The following HSD17B3 variants were observed in gnomAD, a reference collection of about 807,000 sequenced individuals.
HSD17B3 encodes the protein 17-beta-hydroxysteroid dehydrogenase type 3.
Under a neutral mutation model 41.1 loss-of-function variants are expected in HSD17B3, and 29 were observed. The observed-to-expected ratio is 0.71, with a 90% CI of 0.53 to 0.96. The LOEUF (loss-of-function observed/expected upper bound fraction) is 0.96. Among genes scored for constraint, HSD17B3 ranks in the 40% least tolerant of loss-of-function variants. The pLI is 0.00. For missense variants in HSD17B3, 323 were observed against 374.6 expected (o/e 0.86, Z 1.14); for synonymous variants, 126 against 145.6 (o/e 0.87, Z 0.97).
intron 1 of HSD17B3, 92 bp downstream of exon 1, chr9:96,301,859 T>C (rs565955327): frequency 3.6e-6 from 5 of 1,381,932 alleles, no homozygotes; most frequent in African/African-American, 1.4e-5. Flanking sequence ...CCAGCCTGGG[T>C]GACAGAGCAA....
chr9:96,259,631 G>T (rs1490099891), intron 2 of HSD17B3, among the ~76,000 whole-genome samples: 1 of 151,864 alleles, frequency 6.6e-6, no homozygotes, highest in African/African-American at 2.4e-5. Context: ...TGAGGCAGGA[G>T]AATTACTTGA....
At chr9:96,240,712 G>A (rs2066482) in intron 10 of HSD17B3, 46 bp downstream of exon 10, 51 of 1,606,496 alleles carry the variant, frequency 3.2e-5, no homozygotes, top group East Asian at 1.8e-4. Flanking sequence ...GGCCACCTGC[G>A]TGTCCTCCCT....
intron 2 of HSD17B3, among the ~76,000 whole-genome samples, chr9:96,270,921 C>T (rs1238889255): frequency 7.6e-6 from 1 of 132,128 alleles, no homozygotes; most frequent in Non-Finnish European, 1.5e-5. Flanking sequence ...TTCATACAAA[C>T]AAGTGTAGTG....
intron 2 of HSD17B3, among the ~76,000 whole-genome samples, chr9:96,284,483 ATC>A (rs1241232463): frequency 3.9e-5 from 6 of 152,226 alleles, no homozygotes; most frequent in Non-Finnish European, 7.3e-5. Context: ...TGCAAAAAGA[ATC>A]TGTTTTCTTT....
Position 96,301,960 on chromosome 9 carries a change from G to A in HSD17B3, c.145C>T (p.Gln49Ter). Residue 49 changes from glutamine to a stop codon, truncating the protein, a stop_gained, in exon 1 of 11, where the codon CAG becomes TAG. Transcript: ENST00000375263. LOFTEE classifies it high-confidence loss of function. ...TGGAACACTCCCTTACCTGCCCACTGTCCCATTGACCGCAAGAAAGACTTT... is the reference window on the plus strand; with the variant it reads ...TGGAACACTCCCTTACCTGCCCACTATCCCATTGACCGCAAGAAAGACTTT... ...LPKSFLRSMG[Q>*]WAVITGAGDG... 1 of 1,614,026 alleles carries A rather than the reference G, an allele frequency of 6.2e-7. No individual in the cohort carries two copies. Among genetic ancestry groups the A allele is most frequent in the Non-Finnish European group, 8.5e-7 (1 of 1,179,966 alleles).
At chr9:96,266,461 G>T (rs911578279) in intron 2 of HSD17B3, among the ~76,000 whole-genome samples, 2 of 151,902 alleles carry the variant, frequency 1.3e-5, no homozygotes, top group Non-Finnish European at 2.9e-5. Context: ...GTAGAGTTGG[G>T]GTCTTGCTAT....
intron 2 of HSD17B3, among the ~76,000 whole-genome samples, chr9:96,289,215 GTGTGTA>G (rs1435961322): frequency 2.0e-5 from 3 of 150,308 alleles, no homozygotes; most frequent in Non-Finnish European, 4.5e-5. Flanking sequence ...GTGTGTGTGT[GTGTGTA>G]TGTGTGTGTG....
intron 5 of HSD17B3, chr9:96,251,142 G>C (rs1306720464): frequency 1.9e-6 from 1 of 523,412 alleles, no homozygotes; most frequent in African/African-American, 1.9e-5. Context: ...ATAAAGTAGA[G>C]TGCAGCACCC....
chr9:96,240,776 G>T lies in HSD17B3; in HGVS notation c.804C>A (p.Cys268Ter). The T allele has an allele frequency of 6.2e-7, 1 of 1,614,156 alleles. No homozygotes were observed. The highest frequency in any genetic ancestry group is 1.7e-5 in the Admixed American group (1 of 60,020). The change falls in exon 10 of 11, where the codon TGC becomes TGA. Residue 268 changes from cysteine to a stop codon, truncating the protein, a stop_gained. Transcript: ENST00000375263. LOFTEE classifies it low-confidence loss of function (END_TRUNC). Reference sequence around the variant, plus strand: ...CAATTACCAAGATTTCATGGGCAAGGCAGCCACAGGTTTCACCTCCAATTG... The same window carrying T: ...CAATTACCAAGATTTCATGGGCAAGTCAGCCACAGGTTTCACCTCCAATTG... ...YVTIGGETCG[C>*]LAHEILAGFL...
chr9:96,290,477 TTTC>T (rs1249289057), intron 2 of HSD17B3, among the ~76,000 whole-genome samples: 31 of 146,892 alleles, frequency 2.1e-4, no homozygotes, highest in African/African-American at 7.4e-4. Flanking sequence ...TTTTTTTTTT[TTTC>T]CACATATCCC....
At chr9:96,301,849 C>A in intron 1 of HSD17B3, 102 bp downstream of exon 1, 2 of 1,342,140 alleles carry the variant, frequency 1.5e-6, no homozygotes, top group Non-Finnish European at 2.1e-6. Flanking sequence ...CCATTGCACT[C>A]CAGCCTGGGT....
rs2130704630 is a variant in HSD17B3, at chr9:96,240,817, ACT to A, written c.761_762del (p.Glu254ValfsTer10). On this transcript the variant is annotated frameshift_variant, in exon 10 of 11. Transcript: ENST00000375263. LOFTEE classifies it high-confidence loss of function. ...CCTCCAATTGTGACATAATTCAATG[ACT>A]CTTTGACAAACTCATCAGCAGTCTT... Reference protein sequence around the residue: ...ITKTADEFVKESLNYVTIGGE... With the variant: ...ITKTADEFVKXSLNYVTIGGE... 6.2e-7 allele frequency: 1 copy of A among 1,614,018 alleles called. No homozygotes were observed. Among genetic ancestry groups the A allele is most frequent in the Non-Finnish European group, 8.5e-7 (1 of 1,179,988 alleles).
intron 5 of HSD17B3, 137 bp from the exon 6 acceptor site, chr9:96,249,923 C>T (rs548109840): frequency 6.4e-7 from 1 of 1,556,622 alleles, no homozygotes; most frequent in South Asian, 1.2e-5. Context: ...GCAAATTAGG[C>T]TCATAACTGC....
intron 2 of HSD17B3, among the ~76,000 whole-genome samples, chr9:96,273,845 C>T (rs534755077): frequency 6.6e-4 from 101 of 152,280 alleles, no homozygotes; most frequent in African/African-American, 2.3e-3. Context: ...CCAGAGTTAT[C>T]GGTGCATTCT....
intron 2 of HSD17B3, among the ~76,000 whole-genome samples, chr9:96,297,876 A>T (rs978422374): frequency 6.6e-6 from 1 of 152,188 alleles, no homozygotes; most frequent in Non-Finnish European, 1.5e-5. Context: ...TATAATTATC[A>T]ATCTATCTAT....
At chr9:96,265,716 G>A (rs1587747071) in intron 2 of HSD17B3, among the ~76,000 whole-genome samples, 2 of 152,138 alleles carry the variant, frequency 1.3e-5, no homozygotes, top group South Asian at 2.1e-4. Context: ...AAATAAAAAC[G>A]AGTTAAAAGG....
At chr9:96,273,738 T>A (rs1464588354) in intron 2 of HSD17B3, among the ~76,000 whole-genome samples, 2 of 152,154 alleles carry the variant, frequency 1.3e-5, no homozygotes, top group African/African-American at 4.8e-5. Context: ...AAGATCTGCA[T>A]CCGCCTTCAC....
intron 2 of HSD17B3, among the ~76,000 whole-genome samples, chr9:96,270,961 G>GC (rs57514005): frequency 6.8e-6 from 1 of 146,628 alleles, no homozygotes; most frequent in Non-Finnish European, 1.5e-5. Flanking sequence ...CTCGGGGGGG[G>GC]GGGTTAAGAT....
chr9:96,245,300 A>G lies in HSD17B3; in HGVS notation c.606+45T>C, dbSNP rs780109958. 6.8e-6 allele frequency: 10 copies of G among 1,460,088 alleles called. No homozygotes were observed. The East Asian group carries it at 2.0e-4, about 30-fold the overall frequency. The allele number at this position is 1,460,088 out of a possible 1,614,324, so 90.4% of individuals were successfully genotyped here. On this transcript the variant is annotated intron_variant, in intron 8 of 10. Transcript: ENST00000375263. ...CAAAGGAAATTGCCAACTGGGAGAA[A>G]TAAGAGGAAGAAGGAAGAGACTTGG... is the stretch of plus-strand genomic sequence containing the variant.
Sources: gnomAD v4.1 joint callset for allele counts (sites outside exome capture counted in the v4.1 genomes callset) on GRCh38, gnomAD v4.1.1 for gene constraint, MANE v1.5 for transcripts, NCBI Gene and HGNC (gene_info 2026-07-23, HGNC 2026-07-21) for gene names.